The following MAP3K5 variants were observed in gnomAD, a reference collection of about 807,000 sequenced individuals.
MAP3K5 encodes the protein ASK-1.
Under a neutral mutation model 158.7 loss-of-function variants are expected in MAP3K5, and 56 were observed. That is an observed-to-expected ratio of 0.35 (90% CI 0.28 to 0.44). MAP3K5 has a LOEUF of 0.44. MAP3K5 is among the 20% of genes least tolerant of loss of function. The pLI is 1.00. For synonymous variants in MAP3K5, 579 were observed against 601.7 expected (o/e 0.96, Z 0.55); for missense variants, 1,294 against 1,674.8 (o/e 0.77, Z 3.97).
chr6:136,574,155 T>C (rs965171660), intron 25 of MAP3K5, among the ~76,000 whole-genome samples: 2 of 152,178 alleles, frequency 1.3e-5, no homozygotes, highest in Non-Finnish European at 2.9e-5. Context: ...GGTCTCAAAT[T>C]CCTGGCCTCA....
intron 21 of MAP3K5, among the ~76,000 whole-genome samples, chr6:136,594,954 C>A (rs369013499): frequency 6.6e-6 from 1 of 152,082 alleles, no homozygotes; most frequent in African/African-American, 2.4e-5. Context: ...TGAATTTTAA[C>A]GTTGCTGTGA....
Position 136,613,313 on chromosome 6 carries a change from G to A in MAP3K5, c.2279-57C>T. 2.0e-6 allele frequency: 3 copies of A among 1,464,516 alleles called. No homozygotes were observed. Among genetic ancestry groups the A allele is most frequent in the Non-Finnish European group, 2.8e-6 (3 of 1,071,718 alleles). The allele number at this position is 1,464,516 out of a possible 1,614,324, so 90.7% of individuals were successfully genotyped here. On this transcript the variant is annotated intron_variant, in intron 16 of 29. Coordinates refer to ENST00000359015, the MANE Select transcript of MAP3K5 (RefSeq NM_005923.4). This position sits in a 1 kb window ranked among gnomAD's most constrained non-coding sequence, Gnocchi z 4.0. ...CTCATTCAAATGAGCTCTTTAAAGTGTATTAATAATGTAACAGTAATTTAA... is the reference window on the plus strand; with the variant it reads ...CTCATTCAAATGAGCTCTTTAAAGTATATTAATAATGTAACAGTAATTTAA...
rs1182001334 is a variant in MAP3K5 at position 136,557,711 on chromosome 6, CTG to C, written c.*45_*46del. ...TTTCCCACCCCCAAGAAGATCAGCTCTGTATTAATTTTTAGAATTTCCATCGA... is the reference window on the plus strand; with the variant it reads ...TTTCCCACCCCCAAGAAGATCAGCTCTATTAATTTTTAGAATTTCCATCGA... On this transcript the variant is annotated 3_prime_UTR_variant, in exon 30 of 30. Transcript: ENST00000359015. 5 of 1,381,162 alleles carry C rather than the reference CTG, an allele frequency of 3.6e-6. No individual in the cohort carries two copies. The highest frequency in any genetic ancestry group is 4.1e-6 in the Non-Finnish European group (4 of 967,902). The allele number at this position is 1,381,162 out of a possible 1,614,324, so 85.6% of individuals were successfully genotyped here.
intron 14 of MAP3K5, among the ~76,000 whole-genome samples, chr6:136,626,151 C>T (rs1777027036): frequency 6.6e-6 from 1 of 152,186 alleles, no homozygotes; most frequent in Admixed American, 6.5e-5. Context: ...TGGGGTGGAG[C>T]ATGTCCCTAC....
At chr6:136,766,945 T>C (rs1000227970) in intron 1 of MAP3K5, among the ~76,000 whole-genome samples, 7 of 152,166 alleles carry the variant, frequency 4.6e-5, no homozygotes, top group African/African-American at 1.4e-4. Flanking sequence ...ATTTCCACTA[T>C]CAAATTTACA....
At chr6:136,695,753 T>G (rs1326984712) in intron 6 of MAP3K5, among the ~76,000 whole-genome samples, 198 bp downstream of exon 6, 2 of 151,434 alleles carry the variant, frequency 1.3e-5, no homozygotes, top group Non-Finnish European at 2.9e-5. Context: ...AGTGTGCGAC[T>G]TTTTTTTTAC....
At chr6:136,612,438 C>A (rs1776385206) in intron 17 of MAP3K5, among the ~76,000 whole-genome samples, 1 of 152,134 alleles carries the variant, frequency 6.6e-6, no homozygotes, top group Non-Finnish European at 1.5e-5. Context: ...TCATAACTTT[C>A]CAGTTACCTT....
intron 1 of MAP3K5, among the ~76,000 whole-genome samples, chr6:136,754,500 G>A (rs1783379735): frequency 6.6e-6 from 1 of 151,782 alleles, no homozygotes; most frequent in South Asian, 2.1e-4. Flanking sequence ...GAACACTTGA[G>A]CTGGGGAGGT....
At position 136,756,549 on chromosome 6, in the gene MAP3K5, T is replaced by C. The variant is rs180710829; in HGVS notation, c.448+35161A>G. Among the ~76,000 whole-genome samples the C allele has an allele frequency of 4.9e-4, 74 of 152,180 alleles. 1 individual carries two copies. Among genetic ancestry groups the C allele is most frequent in the Middle Eastern group, 3.4e-3 (1 of 294 alleles). ...CTGCAACCTCCGCCTCCCTGCAACC[T>C]CCGCCTCCCGGAAGGGTATTGCCTG... On this transcript the variant is annotated intron_variant, in intron 1 of 29. Coordinates refer to ENST00000359015, the MANE Select transcript of MAP3K5 (RefSeq NM_005923.4).
intron 1 of MAP3K5, among the ~76,000 whole-genome samples, chr6:136,728,007 A>G (rs1782047035): frequency 6.6e-6 from 1 of 152,156 alleles, no homozygotes; most frequent in African/African-American, 2.4e-5. Flanking sequence ...GTCATTTAAA[A>G]GTATAGACAA....
chr6:136,642,376 A>G (rs1173475194), intron 12 of MAP3K5, 144 bp downstream of exon 12: 6 of 689,538 alleles, frequency 8.7e-6, no homozygotes, highest in Non-Finnish European at 1.6e-5. Flanking sequence ...AGATAGTGAC[A>G]CTGAAGAAGG....
At chr6:136,582,216 C>T (rs1325459921) in intron 24 of MAP3K5, among the ~76,000 whole-genome samples, 1 of 151,508 alleles carries the variant, frequency 6.6e-6, no homozygotes, top group African/African-American at 2.4e-5. Flanking sequence ...TCATCCTGGA[C>T]AGTGAATGAG....
At chr6:136,583,854 G>A (rs1050474485) in intron 23 of MAP3K5, 114 bp from the exon 24 acceptor site, 5 of 937,308 alleles carry the variant, frequency 5.3e-6, no homozygotes. Flanking sequence ...GTAGAGACAA[G>A]GTCTCACTAT....
intron 23 of MAP3K5, among the ~76,000 whole-genome samples, chr6:136,588,857 C>A (rs770562657): frequency 6.6e-6 from 1 of 152,220 alleles, no homozygotes; most frequent in Non-Finnish European, 1.5e-5. Flanking sequence ...AGGCCAGCTA[C>A]CCCTCACTCT....
At chr6:136,595,114 G>A (rs186631874) in intron 21 of MAP3K5, among the ~76,000 whole-genome samples, 28 of 152,134 alleles carry the variant, frequency 1.8e-4, no homozygotes, top group Admixed American at 1.1e-3. Flanking sequence ...TTCCCTCCTC[G>A]GTTTGATTTT....
At position 136,656,427 on chromosome 6, in the gene MAP3K5, T is replaced by C; in HGVS notation, c.1560A>G (p.Ile520Met). Residue 520 changes from isoleucine to methionine, a missense_variant, in exon 10 of 30, where the codon ATA (isoleucine) becomes ATG (methionine). By Grantham distance (10) the Ile-to-Met change is conservative (BLOSUM62 1). Coordinates refer to ENST00000359015, the MANE Select transcript of MAP3K5 (RefSeq NM_005923.4). ...YLKSIVETIL[I>M]YKHFVKLTTE... ...TGGTCAGTTTCACAAAATGCTTATA[T>C]ATTAAAATTGTCTCTACAATAGACT... The C allele has an allele frequency of 2.5e-6, 4 of 1,603,078 alleles. No individual in the cohort carries two copies. Among genetic ancestry groups the C allele is most frequent in the South Asian group, 1.1e-5 (1 of 89,262 alleles).
At chr6:136,602,404 G>A (rs1449518387) in intron 19 of MAP3K5, among the ~76,000 whole-genome samples, 1 of 152,126 alleles carries the variant, frequency 6.6e-6, no homozygotes, top group Non-Finnish European at 1.5e-5. Context: ...CCAGGCTCAA[G>A]CGAGTCTTTC....
chr6:136,708,477 A>G (rs1781169972), intron 2 of MAP3K5, among the ~76,000 whole-genome samples: 1 of 152,060 alleles, frequency 6.6e-6, no homozygotes, highest in Non-Finnish European at 1.5e-5. Context: ...GCTGGTTTCT[A>G]ACTCCTGGGC....
At chr6:136,691,180 G>A (rs1362257832) in intron 7 of MAP3K5, among the ~76,000 whole-genome samples, 1 of 152,070 alleles carries the variant, frequency 6.6e-6, no homozygotes. Context: ...GTTTTGCTGA[G>A]CTTCCTAGAT....
Sources: gnomAD v4.1 joint callset for allele counts (sites outside exome capture counted in the v4.1 genomes callset) on GRCh38, gnomAD v4.1.1 for gene constraint, Gnocchi (gnomAD v3.1) non-coding constraint, MANE v1.5 for transcripts, NCBI Gene and HGNC (gene_info 2026-07-23, HGNC 2026-07-21) for gene names.